FAM162A: variants seen among roughly 807,000 people sequenced by gnomAD.
The protein encoded by FAM162A is family with sequence similarity 162 member A, also known as protein FAM162A.
A neutral mutation model predicts 21.8 loss-of-function variants in FAM162A; 23 were observed. The observed-to-expected ratio is 1.05, with a 90% confidence interval of 0.76 to 1.49. The LOEUF (loss-of-function observed/expected upper bound fraction) is 1.49, where lower values mean the gene tolerates loss of function less well. FAM162A is among the 40% of genes most tolerant of loss of function. The probability of loss-of-function intolerance (pLI) is 0.00; values close to 1 mark genes in which losing one functional copy is unlikely to be tolerated. For missense variants in FAM162A, 165 were observed against 186.4 expected (o/e 0.89, Z 0.67); for synonymous variants, 53 against 61.3 (o/e 0.86, Z 0.64).
intron 4 of FAM162A, among the ~76,000 whole-genome samples, chr3:122,409,534 T>C (rs759839673): frequency 3.3e-5 from 5 of 152,096 alleles, no homozygotes; most frequent in Non-Finnish European, 7.4e-5. Flanking sequence ...TGGCACTTCT[T>C]ACTTATGCTT....
At chr3:122,405,677 C>T (rs906359395) in intron 3 of FAM162A, among the ~76,000 whole-genome samples, 5 of 152,196 alleles carry the variant, frequency 3.3e-5, no homozygotes, top group African/African-American at 9.7e-5. Context: ...TACTACCTCA[C>T]GAATCACTCT....
At chr3:122,392,295 T>C (rs1234953095) in intron 1 of FAM162A, among the ~76,000 whole-genome samples, 1 of 152,148 alleles carries the variant, frequency 6.6e-6, no homozygotes, top group Non-Finnish European at 1.5e-5. Context: ...CTTGTTCCTT[T>C]TGTAAGTGCC....
intron 1 of FAM162A, among the ~76,000 whole-genome samples, chr3:122,387,634 C>G (rs777400129): frequency 6.6e-6 from 1 of 152,186 alleles, no homozygotes; most frequent in Non-Finnish European, 1.5e-5. Flanking sequence ...TGAGAACGTA[C>G]GCATTTTAAC....
intron 3 of FAM162A, among the ~76,000 whole-genome samples, chr3:122,406,072 G>A (rs1228019090): frequency 6.6e-6 from 1 of 152,038 alleles, no homozygotes; most frequent in Non-Finnish European, 1.5e-5. Context: ...CTCCTTCCAA[G>A]CATTTTTAAA....
At position 122,409,873 on chromosome 3, in the gene FAM162A, T is replaced by C. The variant is rs1313256245; in HGVS notation, c.*42T>C. 8 of 1,547,574 alleles carry C rather than the reference T, an allele frequency of 5.2e-6. No individual in the cohort carries two copies. Among genetic ancestry groups the C allele is most frequent in the Non-Finnish European group, 7.1e-6 (8 of 1,119,650 alleles). ...GGCTGGATTTTGAAAATCCAGGAAT[T>C]ATGTTATAACGTGCCTGTATTAAAA... On this transcript the variant is annotated 3_prime_UTR_variant, in exon 5 of 5. Coordinates refer to ENST00000477892, the MANE Select transcript of FAM162A (RefSeq NM_014367.4).
In FAM162A at chr3:122,402,762, A is replaced by G. The variant is rs1036051638; in HGVS notation, c.37A>G (p.Ser13Gly). 1 of 1,480,252 alleles carries G rather than the reference A, an allele frequency of 6.8e-7. No homozygotes were observed. The highest frequency in any genetic ancestry group is 1.5e-5 in the South Asian group (1 of 67,314). 91.7% of individuals were successfully genotyped at this position (1,480,252 alleles called of 1,614,324 possible). A position where few individuals can be genotyped will look rare whatever the true frequency, so the allele number is the denominator to read the frequency against. The change falls in exon 2 of 5, where the codon AGC (serine) becomes GGC (glycine). Residue 13 changes from serine to glycine, a missense_variant and splice_region_variant. Transcript: ENST00000477892. ...AAACATTTTCCTCTCTTTTTTAGGA[A>G]GCTGTTTTAGGTTATGTGAAAGAGA... Reference protein sequence around the residue: ...SLSGLRLAAGSCFRLCERDVS... With the variant: ...SLSGLRLAAGGCFRLCERDVS...
intron 1 of FAM162A, 50 bp downstream of exon 1, chr3:122,384,349 G>A: frequency 6.4e-7 from 1 of 1,553,192 alleles, no homozygotes; most frequent in Non-Finnish European, 8.7e-7. Context: ...CCCGGCCGCT[G>A]CGGGTGGGGG....
chr3:122,396,121 C>T (rs910825065), intron 1 of FAM162A, among the ~76,000 whole-genome samples: 3 of 151,922 alleles, frequency 2.0e-5, no homozygotes, highest in African/African-American at 7.3e-5. Flanking sequence ...TTTGTGATAT[C>T]GTATATGGCA....
chr3:122,406,345 G>A (rs62271975), intron 3 of FAM162A, among the ~76,000 whole-genome samples: 13,103 of 152,250 alleles, frequency 0.086, 649 homozygotes, highest in Admixed American at 0.13. Context: ...CAGGAGGATC[G>A]CTTCAGTCTA....
intron 1 of FAM162A, among the ~76,000 whole-genome samples, chr3:122,386,549 C>A (rs1308636915): frequency 1.5e-5 from 2 of 137,288 alleles, no homozygotes; most frequent in African/African-American, 2.9e-5. Context: ...CAGAGTGAGA[C>A]CCTGTCTAAA....
In FAM162A at chr3:122,409,665, G is replaced by A. The variant is rs2075694707; in HGVS notation, c.373-74G>A. The A allele has an allele frequency of 3.8e-6, 5 of 1,302,816 alleles. 1 individual carries two copies. The South Asian group carries it at 6.0e-5, about 16-fold the overall frequency. The allele number at this position is 1,302,816 out of a possible 1,614,324, so 80.7% of individuals were successfully genotyped here. A position where few individuals can be genotyped will look rare whatever the true frequency, so the allele number is the denominator to read the frequency against. On this transcript the variant is annotated intron_variant, in intron 4 of 4. Coordinates refer to ENST00000477892, the MANE Select transcript of FAM162A (RefSeq NM_014367.4). ...GCCTCCATGCCTCTGTTAACCTGCT[G>A]TCATCAGTGCAAGGTAAAGACACCC...
chr3:122,396,373 G>A lies in FAM162A; in HGVS notation c.35-6387G>A, dbSNP rs375642566. On this transcript the variant is annotated intron_variant, in intron 1 of 4. Coordinates refer to ENST00000477892, the MANE Select transcript of FAM162A (RefSeq NM_014367.4). ...ATAGATGTTTCTCCAGAGAAGATAT[G>A]CAAATGGCCAATTAGTACATGAAAA... Among the ~76,000 whole-genome samples the A allele has an allele frequency of 6.6e-5, 10 of 152,202 alleles. 1 individual carries two copies. Among genetic ancestry groups the A allele is most frequent in the East Asian group, 3.9e-4 (2 of 5,190 alleles).
At chr3:122,408,387 T>C (rs534540538) in intron 4 of FAM162A, among the ~76,000 whole-genome samples, 1 of 152,368 alleles carries the variant, frequency 6.6e-6, no homozygotes, top group Non-Finnish European at 1.5e-5. Context: ...AGCTTCCATG[T>C]GGAAAGTGAT....
intron 3 of FAM162A, among the ~76,000 whole-genome samples, chr3:122,406,357 G>C (rs1576253445): frequency 6.6e-6 from 1 of 152,212 alleles, no homozygotes; most frequent in Admixed American, 6.5e-5. Context: ...TTCAGTCTAA[G>C]ATTTTGAGTC....
chr3:122,406,866 A>C (rs1390243673), intron 3 of FAM162A, among the ~76,000 whole-genome samples: 4 of 152,236 alleles, frequency 2.6e-5, no homozygotes, highest in Non-Finnish European at 5.9e-5. Flanking sequence ...CGATGACTAC[A>C]TCACATAATG....
At chr3:122,384,401 T>G in intron 1 of FAM162A, 102 bp downstream of exon 1, 1 of 1,359,830 alleles carries the variant, frequency 7.4e-7, no homozygotes, top group Non-Finnish European at 1.0e-6. Flanking sequence ...CTCCATTCCA[T>G]GACGCACTTT....
At chr3:122,401,664 T>A in intron 1 of FAM162A, 1 of 507,348 alleles carries the variant, frequency 2.0e-6, no homozygotes, top group Non-Finnish European at 2.8e-6. Flanking sequence ...CCATTCTGGC[T>A]GGTTGTGAGA....
chr3:122,394,928 G>C (rs1344137692), intron 1 of FAM162A, among the ~76,000 whole-genome samples: 1 of 152,084 alleles, frequency 6.6e-6, no homozygotes, highest in Non-Finnish European at 1.5e-5. Context: ...AAAAATTATA[G>C]ACTGATCAAG....
intron 4 of FAM162A, 37 bp from the exon 5 acceptor site, chr3:122,409,702 G>A: frequency 6.3e-7 from 1 of 1,585,582 alleles, no homozygotes; most frequent in Non-Finnish European, 8.7e-7. Flanking sequence ...CCCCTGACCA[G>A]CATACAAATC....
Sources: allele counts gnomAD v4.1 joint callset (sites outside exome capture counted in the v4.1 genomes callset), GRCh38; gene constraint gnomAD v4.1.1; transcripts MANE v1.5; gene names NCBI Gene and HGNC (gene_info 2026-07-23, HGNC 2026-07-21).